Variants in SLC22A15 observed in about 807,000 individuals in gnomAD.
The protein encoded by SLC22A15 is flipt 1.
In SLC22A15, 45 loss-of-function variants were observed where a neutral mutation model predicts 62.7. The ratio of observed to expected loss-of-function variants is 0.72; its 90% confidence interval spans 0.56 to 0.92. The LOEUF is 0.92. Ranked by LOEUF, SLC22A15 falls within the 40% of genes least tolerant of loss-of-function variation. SLC22A15 has a pLI of 0.00. For synonymous variants in SLC22A15, 264 were observed against 267.0 expected (o/e 0.99, Z 0.11); for missense variants, 622 against 665.6 (o/e 0.93, Z 0.72).
chr1:116,051,973 C>T (rs537007713), intron 8 of SLC22A15, among the ~76,000 whole-genome samples: 15 of 152,332 alleles, frequency 9.8e-5, no homozygotes, highest in Admixed American at 3.9e-4. Flanking sequence ...CCAGCGTGAG[C>T]GACGCAGAAG....
chr1:116,031,854 A>G, intron 6 of SLC22A15: 1 of 1,273,946 alleles, frequency 7.8e-7, no homozygotes, highest in Non-Finnish European at 9.9e-7. Context: ...TGAGGTATTT[A>G]TCATAAATAT....
At chr1:116,006,175 A>G (rs1298698007) in intron 2 of SLC22A15, among the ~76,000 whole-genome samples, 1 of 152,148 alleles carries the variant, frequency 6.6e-6, no homozygotes, top group Non-Finnish European at 1.5e-5. Flanking sequence ...CCAGAGGGAT[A>G]CCATTATTAA....
rs144698605 is a variant in SLC22A15 at position 116,012,217 on chromosome 1, C to T, written c.301-7365C>T. 1.8e-3 allele frequency among the ~76,000 whole-genome samples: 267 copies of T among 151,984 alleles called. 1 individual carries two copies. The highest frequency in any genetic ancestry group is 5.7e-3 in the African/African-American group (236 of 41,438). ...GGGTTGTTTAGGTCACAGGAAAAAA[C>T]GGAAGCAGACAAATTTATCACATTT... On this transcript the variant is annotated intron_variant, in intron 2 of 11. Transcript: ENST00000369503.
intron 2 of SLC22A15, among the ~76,000 whole-genome samples, chr1:115,999,131 G>A (rs1557877800): frequency 6.6e-6 from 1 of 152,108 alleles, no homozygotes; most frequent in Admixed American, 6.6e-5. Flanking sequence ...CATTGTGATT[G>A]GAGAAGATAT....
rs2101572238 is a variant in SLC22A15 at position 116,062,836 on chromosome 1, A to G, written c.1246A>G (p.Asn416Asp). Residue 416 changes from asparagine to aspartate, a missense_variant, in exon 9 of 12, where the codon AAC (asparagine) becomes GAC (aspartate). Coordinates refer to ENST00000369503, the MANE Select transcript of SLC22A15 (RefSeq NM_018420.3). ...GAAGCTGACCATCAGTGCTGCCTTT[A>G]ACATTGTTTATATCTACACCTCTGA... Reference protein sequence around the residue: ...LGKLTISAAFNIVYIYTSELY... With the variant: ...LGKLTISAAFDIVYIYTSELY... The G allele has an allele frequency of 1.2e-6, 2 of 1,613,780 alleles. No individual in the cohort carries two copies. Among genetic ancestry groups the G allele is most frequent in the Middle Eastern group, 1.7e-4 (1 of 6,056 alleles).
In SLC22A15 at chr1:116,067,976, A is replaced by AG. The variant is rs1658536497; in HGVS notation, c.*870dup. 8.3e-6 allele frequency: 1 copy of AG among 120,444 alleles called. No individual in the cohort carries two copies. The highest frequency in any genetic ancestry group is 2.9e-4 in the South Asian group (1 of 3,462). 7.5% of individuals were successfully genotyped at this position (120,444 alleles called of 1,614,324 possible). On this transcript the variant is annotated 3_prime_UTR_variant, in exon 12 of 12. Coordinates refer to ENST00000369503, the MANE Select transcript of SLC22A15 (RefSeq NM_018420.3). ...AAACAGTGACATGTTGAGCACCTGG[A>AG]GGAAAAAAAAGGTGCAGTTTTTAAT...
At chr1:116,064,803 A>G (rs1330768206) in intron 10 of SLC22A15, among the ~76,000 whole-genome samples, 3 of 152,116 alleles carry the variant, frequency 2.0e-5, no homozygotes, top group Non-Finnish European at 4.4e-5. Flanking sequence ...TATGTATGAC[A>G]CTTCTGCTGT....
chr1:116,023,718 G>A (rs1040614111), intron 4 of SLC22A15, among the ~76,000 whole-genome samples: 2 of 152,092 alleles, frequency 1.3e-5, no homozygotes, highest in Non-Finnish European at 2.9e-5. Flanking sequence ...AATGAAGCAG[G>A]GTAATGGGCT....
intron 2 of SLC22A15, among the ~76,000 whole-genome samples, chr1:116,018,796 C>T (rs936524860): frequency 1.3e-5 from 2 of 152,134 alleles, no homozygotes; most frequent in African/African-American, 4.8e-5. Context: ...CTATTTGAAG[C>T]TGTATATTAT....
chr1:115,986,989 G>T (rs17035062), intron 1 of SLC22A15, among the ~76,000 whole-genome samples: 1 of 152,116 alleles, frequency 6.6e-6, no homozygotes, highest in Non-Finnish European at 1.5e-5. Context: ...AGTCATGTTA[G>T]GGGAATTGAA....
In SLC22A15 at chr1:116,049,142, A is replaced by C. The variant is rs532942401; in HGVS notation, c.1171+11754A>C. Among the ~76,000 whole-genome samples, 105 of 152,348 alleles carry C rather than the reference A, an allele frequency of 6.9e-4. 1 individual carries two copies. The highest frequency in any genetic ancestry group is 3.4e-3 in the Middle Eastern group (1 of 294). On this transcript the variant is annotated intron_variant, in intron 8 of 11. Coordinates refer to ENST00000369503, the MANE Select transcript of SLC22A15 (RefSeq NM_018420.3). The stretch of plus-strand genomic sequence containing the variant: ...TAGGAAATGAGATAGACAGCAACAT[A>C]ATAATAATGGGGGACTTTCAGTACT...
rs933190909 is a variant in SLC22A15 at position 116,019,643 on chromosome 1, G to A, written c.362G>A (p.Gly121Asp). ...GCAGCAAGCTCTTTTTTCTTCAGTG[G>A]TGTATTTGTTGGAGTTATCTCTTTT... ...VSAASSFFFS[G>D]VFVGVISFGQ... Residue 121 changes from glycine to aspartate, a missense_variant, in exon 3 of 12, where the codon GGT becomes GAT. Physicochemically the swap from Gly to Asp is moderately conservative, Grantham distance 94. Transcript: ENST00000369503. 1.8e-5 allele frequency: 29 copies of A among 1,613,298 alleles called. No homozygotes were observed. Among genetic ancestry groups the A allele is most frequent in the Non-Finnish European group, 2.3e-5 (27 of 1,179,688 alleles).
intron 8 of SLC22A15, among the ~76,000 whole-genome samples, chr1:116,061,799 AT>A (rs1344448738): frequency 6.6e-6 from 1 of 152,196 alleles, no homozygotes; most frequent in Non-Finnish European, 1.5e-5. Context: ...CATAAAATAT[AT>A]TTTTTGCATT....
chr1:116,067,429 C>T lies in SLC22A15; in HGVS notation c.*321C>T, dbSNP rs184565627. 9 of 251,836 alleles carry T rather than the reference C, an allele frequency of 3.6e-5. No homozygotes were observed. The highest frequency in any genetic ancestry group is 3.2e-4 in the East Asian group (4 of 12,348). The allele number at this position is 251,836 out of a possible 1,614,324, so 15.6% of individuals were successfully genotyped here. ...TTTGTTTCTAGAGATTTCATCATGTCGCTTTTCCTTCATCATGATCTAAAT... is the reference window on the plus strand; with the variant it reads ...TTTGTTTCTAGAGATTTCATCATGTTGCTTTTCCTTCATCATGATCTAAAT... On this transcript the variant is annotated 3_prime_UTR_variant, in exon 12 of 12. Coordinates refer to ENST00000369503, the MANE Select transcript of SLC22A15 (RefSeq NM_018420.3).
intron 8 of SLC22A15, among the ~76,000 whole-genome samples, chr1:116,057,987 A>G (rs1361219374): frequency 1.3e-5 from 2 of 151,954 alleles, no homozygotes; most frequent in African/African-American, 2.4e-5. Context: ...CAGCACACCA[A>G]CATGGCACAT....
chr1:116,051,627 A>G (rs1254232934), intron 8 of SLC22A15, among the ~76,000 whole-genome samples: 2 of 152,224 alleles, frequency 1.3e-5, no homozygotes, highest in East Asian at 3.8e-4. Flanking sequence ...ATAACCTTGG[A>G]AAAACCCTTC....
At chr1:116,019,520 A>G (rs1656711099) in intron 2 of SLC22A15, 62 bp from the exon 3 acceptor site, 2 of 1,502,666 alleles carry the variant, frequency 1.3e-6, no homozygotes, top group South Asian at 2.7e-5. Context: ...TTTGTTGCAC[A>G]TTTGGTTTTT....
intron 1 of SLC22A15, 61 bp downstream of exon 1, chr1:115,976,775 G>T: frequency 7.5e-7 from 1 of 1,341,614 alleles, no homozygotes. Flanking sequence ...CGCAGGGCTA[G>T]GCGTCCGCTC....
intron 8 of SLC22A15, among the ~76,000 whole-genome samples, chr1:116,041,447 A>G (rs1657781707): frequency 6.6e-6 from 1 of 152,236 alleles, no homozygotes; most frequent in South Asian, 2.1e-4. Flanking sequence ...TTTAAACAAC[A>G]ATAGAACCAG....
Sources: gnomAD v4.1 joint callset for allele counts (sites outside exome capture counted in the v4.1 genomes callset) on GRCh38, gnomAD v4.1.1 for gene constraint, MANE v1.5 for transcripts, NCBI Gene and HGNC (gene_info 2026-07-23, HGNC 2026-07-21) for gene names.